Variants in UQCC6 observed in about 807,000 individuals in gnomAD.
The protein encoded by UQCC6 is protein BRAWNIN.
At chr12:103,959,307 A>C in the UQCC6 span, among the ~76,000 whole-genome samples, 31 of 152,324 alleles carry the variant, frequency 2.0e-4, 1 homozygote, top group South Asian at 2.3e-3. Flanking sequence ...CCAGTAAAAT[A>C]TATGAGAAAG....
At chr12:103,964,794 A>C in the UQCC6 span, among the ~76,000 whole-genome samples, 4 of 152,226 alleles carry the variant, frequency 2.6e-5, no homozygotes, top group Admixed American at 2.6e-4. Context: ...ACCATGTGCC[A>C]GGTTCTGAGT....
At chr12:103,956,638 G>C in the UQCC6 span, 2 of 1,548,686 alleles carry the variant, frequency 1.3e-6, no homozygotes, top group South Asian at 1.2e-5. Flanking sequence ...CACCAGGTCC[G>C]GTCGGTAGTA....
At chr12:103,956,791 C>T in the UQCC6 span, 5 of 1,291,342 alleles carry the variant, frequency 3.9e-6, no homozygotes, top group Non-Finnish European at 5.5e-6. Flanking sequence ...TTCCAGCTCA[C>T]GACTACACCG....
At chr12:103,954,846 T>C in the UQCC6 span, 1 of 670,652 alleles carries the variant, frequency 1.5e-6, no homozygotes, top group Admixed American at 2.3e-5. Context: ...TTGGATTATT[T>C]TATGAACAGG....
chr12:103,951,589 C>T, the UQCC6 span: 27 of 1,548,046 alleles, frequency 1.7e-5, no homozygotes, highest in Admixed American at 3.0e-4. Flanking sequence ...CCAAAAGCTC[C>T]GTTTTGAGTT....
the UQCC6 span, among the ~76,000 whole-genome samples, chr12:103,961,761 T>C: frequency 6.7e-6 from 1 of 148,776 alleles, no homozygotes; most frequent in Non-Finnish European, 1.5e-5. Flanking sequence ...GGTTTCACCA[T>C]GTTGCCCAGG....
chr12:103,957,630 A>T, the UQCC6 span, among the ~76,000 whole-genome samples: 1 of 152,192 alleles, frequency 6.6e-6, no homozygotes, highest in Non-Finnish European at 1.5e-5. Flanking sequence ...AGCCACATCC[A>T]GACAGCTGTG....
At chr12:103,952,628 C>T in the UQCC6 span, among the ~76,000 whole-genome samples, 1 of 152,206 alleles carries the variant, frequency 6.6e-6, no homozygotes. Flanking sequence ...ATTTTATATT[C>T]CCATCAACAA....
At chr12:103,954,733 G>C in the UQCC6 span, 1 of 517,336 alleles carries the variant, frequency 1.9e-6, no homozygotes, top group Non-Finnish European at 3.4e-6. Flanking sequence ...AGAAACAGTA[G>C]TTAACGTGTC....
At chr12:103,951,246 C>A in the UQCC6 span, 1 of 267,072 alleles carries the variant, frequency 3.7e-6, no homozygotes, top group Admixed American at 5.2e-5. Context: ...AAAGACAACC[C>A]ATATAGTAGA....
chr12:103,953,290 T>C, the UQCC6 span: 1,462 of 697,158 alleles, frequency 2.1e-3, 5 homozygotes, highest in Non-Finnish European at 3.1e-3. Context: ...GTTAATCCAA[T>C]GGGATCTGCT....
the UQCC6 span, among the ~76,000 whole-genome samples, chr12:103,961,223 G>A: frequency 6.6e-6 from 1 of 151,948 alleles, no homozygotes; most frequent in Non-Finnish European, 1.5e-5. Flanking sequence ...TATAGAATAA[G>A]GATATAAGAA....
chr12:103,951,519 A>G, the UQCC6 span: 8 of 1,440,038 alleles, frequency 5.6e-6, no homozygotes, highest in Admixed American at 8.3e-5. Flanking sequence ...AATTCTTGGC[A>G]TAGTTATTTA....
At chr12:103,959,726 ATAAT>A in the UQCC6 span, among the ~76,000 whole-genome samples, 7 of 151,944 alleles carry the variant, frequency 4.6e-5, no homozygotes, top group African/African-American at 1.2e-4. Context: ...AATAATAATA[ATAAT>A]TAACTTTTTT....
chr12:103,965,687 C>T, the UQCC6 span: 3 of 296,180 alleles, frequency 1.0e-5, no homozygotes, highest in East Asian at 5.6e-5. Flanking sequence ...GTCGGCAGAG[C>T]GCTCCTAGTC....
the UQCC6 span, among the ~76,000 whole-genome samples, chr12:103,957,656 G>A: frequency 6.6e-6 from 1 of 152,080 alleles, no homozygotes; most frequent in African/African-American, 2.4e-5. Context: ...ATGACCTGGT[G>A]CTACTGGGAA....
chr12:103,950,885 G>A, the UQCC6 span: 1 of 152,128 alleles, frequency 6.6e-6, no homozygotes, highest in Non-Finnish European at 1.5e-5. Context: ...TGTAAAAGGA[G>A]GTATGCGGTG....
At chr12:103,951,421 G>T in the UQCC6 span, 1 of 590,586 alleles carries the variant, frequency 1.7e-6, no homozygotes, top group Non-Finnish European at 3.0e-6. Context: ...ACCTCCTCTT[G>T]CAGTTAGCAT....
the UQCC6 span, among the ~76,000 whole-genome samples, chr12:103,964,992 T>A: frequency 1.3e-5 from 2 of 151,924 alleles, no homozygotes; most frequent in Non-Finnish European, 2.9e-5. Context: ...ATCACGTGAG[T>A]GAGAAATAAA....
Sources: allele counts gnomAD v4.1 joint callset (sites outside exome capture counted in the v4.1 genomes callset), GRCh38; gene constraint gnomAD v4.1.1; transcripts MANE v1.5; gene names NCBI Gene and HGNC (gene_info 2026-07-23, HGNC 2026-07-21).